CACNA2D3: variants seen among roughly 807,000 people sequenced by gnomAD.
CACNA2D3 encodes the protein calcium voltage-gated channel auxiliary subunit alpha2delta 3, also known as voltage-dependent calcium channel subunit alpha-2/delta-3.
A neutral mutation model predicts 160.6 loss-of-function variants in CACNA2D3; 60 were observed. The observed-to-expected ratio is 0.37, with a 90% CI of 0.30 to 0.46. The LOEUF (loss-of-function observed/expected upper bound fraction) is 0.46. Ranked by LOEUF, CACNA2D3 falls within the 20% of genes least tolerant of loss-of-function variation. CACNA2D3 has a pLI of 1.00. For missense variants in CACNA2D3, 1,205 were observed against 1,365.0 expected, an observed-to-expected ratio of 0.88 and a Z score of 1.85; for synonymous variants, 558 against 492.9, an observed-to-expected ratio of 1.13 and a Z score of -1.75.
At chr3:54,383,970 A>T (rs900927635) in intron 3 of CACNA2D3, among the ~76,000 whole-genome samples, 1 of 152,204 alleles carries the variant, frequency 6.6e-6, no homozygotes, top group African/African-American at 2.4e-5. Flanking sequence ...GTATACATAT[A>T]TATACATATA....
At chr3:54,250,750 T>C (rs1451237032) in intron 2 of CACNA2D3, among the ~76,000 whole-genome samples, 3 of 152,172 alleles carry the variant, frequency 2.0e-5, no homozygotes, top group Non-Finnish European at 4.4e-5. Flanking sequence ...ATAAATTCAT[T>C]TTATTTACAA....
intron 4 of CACNA2D3, among the ~76,000 whole-genome samples, chr3:54,484,346 C>T (rs1011189426): frequency 3.3e-5 from 5 of 152,192 alleles, no homozygotes; most frequent in African/African-American, 1.2e-4. Flanking sequence ...TCCAGCACCG[C>T]ACATTAGGCA....
At chr3:54,763,712 T>C (rs930979243) in intron 12 of CACNA2D3, among the ~76,000 whole-genome samples, 1 of 131,286 alleles carries the variant, frequency 7.6e-6, no homozygotes, top group Non-Finnish European at 1.7e-5. Flanking sequence ...TATGTATATA[T>C]ATGTACATAT....
intron 35 of CACNA2D3, among the ~76,000 whole-genome samples, chr3:55,054,377 C>T (rs1704311833): frequency 6.6e-6 from 1 of 151,738 alleles, no homozygotes; most frequent in Non-Finnish European, 1.5e-5. Context: ...TTTCTATTGA[C>T]CTGACTTCAG....
intron 25 of CACNA2D3, among the ~76,000 whole-genome samples, chr3:54,895,552 G>T (rs1700169601): frequency 6.6e-6 from 1 of 152,180 alleles, no homozygotes; most frequent in Non-Finnish European, 1.5e-5. Context: ...CCAAGTTCAG[G>T]AAACCAACCA....
At chr3:54,572,138 G>GAA (rs57145717) in intron 8 of CACNA2D3, among the ~76,000 whole-genome samples, 53,798 of 151,806 alleles carry the variant, frequency 0.35, 10,517 homozygotes, top group Middle Eastern at 0.48. Flanking sequence ...TAAGTGACAT[G>GAA]GTGGCCGAGG....
chr3:54,703,035 C>G (rs184543815), intron 11 of CACNA2D3, among the ~76,000 whole-genome samples: 1 of 152,196 alleles, frequency 6.6e-6, no homozygotes, highest in African/African-American at 2.4e-5. Flanking sequence ...ATTGAGTACA[C>G]ATGGACACAA....
intron 4 of CACNA2D3, among the ~76,000 whole-genome samples, chr3:54,445,985 G>C (rs1700217004): frequency 6.6e-6 from 1 of 152,180 alleles, no homozygotes; most frequent in Non-Finnish European, 1.5e-5. Flanking sequence ...AGTGTGGACT[G>C]AGTGGCCTGA....
At chr3:54,772,857 T>C (rs1702344942) in intron 13 of CACNA2D3, among the ~76,000 whole-genome samples, 1 of 152,210 alleles carries the variant, frequency 6.6e-6, no homozygotes, top group African/African-American at 2.4e-5. Flanking sequence ...TTGGGAATGC[T>C]ATTCAACTTG....
chr3:54,367,943 C>T (rs1698855054), intron 3 of CACNA2D3, among the ~76,000 whole-genome samples: 1 of 152,116 alleles, frequency 6.6e-6, no homozygotes, highest in East Asian at 1.9e-4. Context: ...CTGCCTGTGG[C>T]TTATAATATT....
chr3:54,140,385 A>G (rs1016661688), intron 2 of CACNA2D3, among the ~76,000 whole-genome samples: 1 of 152,234 alleles, frequency 6.6e-6, no homozygotes, highest in African/African-American at 2.4e-5. Context: ...GCAAAATACC[A>G]GGCGTTCTGA....
At position 54,866,776 on chromosome 3, in the gene CACNA2D3, T is replaced by C. The variant is rs967163484; in HGVS notation, c.1627-4763T>C. On this transcript the variant is annotated intron_variant, in intron 17 of 37. Coordinates refer to ENST00000474759, the MANE Select transcript of CACNA2D3 (RefSeq NM_018398.3). ...GTGCTGGTATCCAGACCATTAAATA[T>C]GGCCAGGAAGGCTCTGTGCTGCAGG... 2.0e-5 allele frequency among the ~76,000 whole-genome samples: 3 copies of C among 152,230 alleles called. No individual in the cohort carries two copies. The South Asian group carries it at 6.2e-4, about 31-fold the overall frequency.
intron 27 of CACNA2D3, among the ~76,000 whole-genome samples, chr3:54,904,268 G>A (rs1449164671): frequency 6.6e-6 from 1 of 152,258 alleles, no homozygotes; most frequent in East Asian, 1.9e-4. Flanking sequence ...GAGAGACCTG[G>A]CCCACTAGTC....
At chr3:54,538,662 T>C (rs1701925014) in intron 5 of CACNA2D3, among the ~76,000 whole-genome samples, 1 of 152,138 alleles carries the variant, frequency 6.6e-6, no homozygotes, top group Non-Finnish European at 1.5e-5. Context: ...TAGCCCGTGT[T>C]CTGAGGGATT....
chr3:54,496,601 T>C (rs1229961634), intron 4 of CACNA2D3, among the ~76,000 whole-genome samples: 1 of 152,200 alleles, frequency 6.6e-6, no homozygotes, highest in Non-Finnish European at 1.5e-5. Flanking sequence ...GCTTTCATTT[T>C]TGTTTTATTA....
At chr3:54,361,314 A>G (rs906966929) in intron 3 of CACNA2D3, among the ~76,000 whole-genome samples, 2 of 152,018 alleles carry the variant, frequency 1.3e-5, no homozygotes, top group Non-Finnish European at 2.9e-5. Context: ...TGCCCAGGTC[A>G]AACAAAGCAG....
At chr3:54,273,959 G>A (rs1311652224) in intron 2 of CACNA2D3, among the ~76,000 whole-genome samples, 8 of 152,154 alleles carry the variant, frequency 5.3e-5, no homozygotes, top group African/African-American at 1.9e-4. Flanking sequence ...AGGCCAGGTT[G>A]CATCATACTG....
chr3:55,024,343 T>C (rs1238352982), intron 35 of CACNA2D3, among the ~76,000 whole-genome samples: 3 of 151,882 alleles, frequency 2.0e-5, no homozygotes, highest in African/African-American at 7.3e-5. Flanking sequence ...AAGTACTCAG[T>C]AAACAGTCAC....
intron 11 of CACNA2D3, among the ~76,000 whole-genome samples, chr3:54,741,300 C>A (rs558738930): frequency 6.6e-6 from 1 of 152,302 alleles, no homozygotes; most frequent in African/African-American, 2.4e-5. Context: ...CAAAGGGCAC[C>A]TTTGGAGATC....
Sources: gnomAD v4.1 joint callset for allele counts (sites outside exome capture counted in the v4.1 genomes callset) on GRCh38, gnomAD v4.1.1 for gene constraint, MANE v1.5 for transcripts, NCBI Gene and HGNC (gene_info 2026-07-23, HGNC 2026-07-21) for gene names.